The following ACP3 variants were observed in gnomAD, a reference collection of about 807,000 sequenced individuals.
The protein encoded by ACP3 is acid phosphatase 3, also known as prostatic acid phosphatase.
A neutral mutation model predicts 45.6 loss-of-function variants in ACP3; 38 were observed. The ratio of observed to expected loss-of-function variants is 0.83; its 90% CI spans 0.64 to 1.09. The LOEUF is 1.09. Among genes scored for constraint, ACP3 ranks in the 50% least tolerant of loss-of-function variants. ACP3 has a pLI of 0.00. For missense variants in ACP3, 466 were observed against 463.2 expected (o/e 1.01, Z -0.05); for synonymous variants, 162 against 164.7 (o/e 0.98, Z 0.13).
Position 132,358,586 on chromosome 3 carries a change from C to A in ACP3, c.*1708C>A. The A allele has an allele frequency of 9.0e-7, 1 of 1,112,196 alleles. No individual in the cohort carries two copies. The highest frequency in any genetic ancestry group is 7.7e-5 in the East Asian group (1 of 13,068). The allele number at this position is 1,112,196 out of a possible 1,614,324, so 68.9% of individuals were successfully genotyped here. A position where few individuals can be genotyped will look rare whatever the true frequency, so the allele number is the denominator to read the frequency against. On this transcript the variant is annotated 3_prime_UTR_variant, in exon 10 of 10. Coordinates refer to ENST00000336375, the MANE Select transcript of ACP3 (RefSeq NM_001099.5). Reference sequence around the variant, plus strand: ...CCAGAATCTAGAGCAAAGCCATCCCCGCTCCTGGTTGGTCACAGAATGACT... The same window carrying A: ...CCAGAATCTAGAGCAAAGCCATCCCAGCTCCTGGTTGGTCACAGAATGACT...
chr3:132,337,132 G>A (rs1937505482), intron 4 of ACP3, among the ~76,000 whole-genome samples: 1 of 151,964 alleles, frequency 6.6e-6, no homozygotes, highest in East Asian at 1.9e-4. Flanking sequence ...AAATGAAAGT[G>A]ATTGGGAAGG....
intron 10 of ACP3, among the ~76,000 whole-genome samples, chr3:132,366,299 CAA>C (rs757548940): frequency 9.8e-5 from 8 of 81,842 alleles, no homozygotes; most frequent in Non-Finnish European, 8.3e-5. Flanking sequence ...AACTCTGTCT[CAA>C]AAAAAAAAAA....
At chr3:132,338,969 A>G (rs1937522359) in intron 5 of ACP3, among the ~76,000 whole-genome samples, 1 of 152,122 alleles carries the variant, frequency 6.6e-6, no homozygotes, top group Non-Finnish European at 1.5e-5. Flanking sequence ...AGATTATTTC[A>G]TCACCCAGGT....
chr3:132,360,520 A>G (rs1039113308), downstream of ACP3, among the ~76,000 whole-genome samples: 4 of 152,198 alleles, frequency 2.6e-5, no homozygotes, highest in Non-Finnish European at 5.9e-5. Flanking sequence ...GGCTCACTTA[A>G]CCAGATTCCA....
chr3:132,346,573 C>T (rs1261962848), intron 7 of ACP3, among the ~76,000 whole-genome samples: 2 of 152,116 alleles, frequency 1.3e-5, no homozygotes, highest in African/African-American at 2.4e-5. Flanking sequence ...AATTACCAGG[C>T]GGGATACAGA....
At chr3:132,350,527 G>A (rs983294586) in intron 8 of ACP3, among the ~76,000 whole-genome samples, 4 of 152,176 alleles carry the variant, frequency 2.6e-5, no homozygotes, top group Non-Finnish European at 5.9e-5. Flanking sequence ...AATTAATTAT[G>A]ATTAAGTAGA....
intron 8 of ACP3, among the ~76,000 whole-genome samples, chr3:132,351,456 T>C (rs1301636390): frequency 6.6e-6 from 1 of 151,972 alleles, no homozygotes; most frequent in Non-Finnish European, 1.5e-5. Context: ...TGACAAAAGG[T>C]TTCTCAGCTG....
At chr3:132,354,664 AG>A in intron 9 of ACP3, among the ~76,000 whole-genome samples, 1 of 152,332 alleles carries the variant, frequency 6.6e-6, no homozygotes, top group East Asian at 1.9e-4. Flanking sequence ...ACAGAAAGAG[AG>A]AGTATTTTAG....
chr3:132,342,627 G>A lies in ACP3; in HGVS notation c.631G>A (p.Asp211Asn), dbSNP rs777524768. Residue 211 changes from aspartate to asparagine, a missense_variant, in exon 6 of 10, where the codon GAC becomes AAC. By Grantham distance (23) the Asp-to-Asn change is conservative. Transcript: ENST00000336375. ...TTTTGGAATTTGGAGTAAAGTCTAC[G>A]ACCCTTTATATTGTGAGGTAAAAGA... is the stretch of plus-strand genomic sequence containing the variant. ...DLFGIWSKVY[D>N]PLYCESVHNF... 95 of 1,607,036 alleles carry A rather than the reference G, an allele frequency of 5.9e-5. No individual in the cohort carries two copies. The highest frequency in any genetic ancestry group is 7.5e-5 in the Non-Finnish European group (88 of 1,177,342).
At chr3:132,333,312 A>G (rs1476041535) in intron 4 of ACP3, 2 of 152,748 alleles carry the variant, frequency 1.3e-5, no homozygotes, top group East Asian at 1.9e-4. Context: ...TAAAGTAGCA[A>G]TAGATAAATC....
intron 6 of ACP3, 40 bp from the exon 7 acceptor site, chr3:132,344,887 T>C (rs912307708): frequency 1.9e-6 from 3 of 1,607,454 alleles, no homozygotes; most frequent in Admixed American, 3.3e-5. Context: ...GACAGTCATA[T>C]AAATACACAT....
intron 5 of ACP3, among the ~76,000 whole-genome samples, chr3:132,338,321 T>A (rs1452151875): frequency 6.6e-6 from 1 of 151,836 alleles, no homozygotes; most frequent in Non-Finnish European, 1.5e-5. Flanking sequence ...TGGAAATATT[T>A]CTATATCTGT....
intron 5 of ACP3, among the ~76,000 whole-genome samples, chr3:132,341,728 T>C: frequency 6.6e-6 from 1 of 152,254 alleles, no homozygotes; most frequent in East Asian, 1.9e-4. Context: ...GACAGTCATC[T>C]GGCCCTGGAG....
chr3:132,317,502 C>T lies in ACP3; in HGVS notation c.46C>T (p.Leu16Phe), dbSNP rs892761779. 1.2e-6 allele frequency: 2 copies of T among 1,613,594 alleles called. No homozygotes were observed. The highest frequency in any genetic ancestry group is 2.7e-5 in the African/African-American group (2 of 74,934). ...CCTGGCCAGGGCAGCAAGCCTTAGCCTTGGCTTCTTGTTTCTGCTTTTTTT... is the reference window on the plus strand; with the variant it reads ...CCTGGCCAGGGCAGCAAGCCTTAGCTTTGGCTTCTTGTTTCTGCTTTTTTT... Reference protein sequence around the residue: ...LLLARAASLSLGFLFLLFFWL... With the variant: ...LLLARAASLSFGFLFLLFFWL... The change falls in exon 1 of 10, where the codon CTT (leucine) becomes TTT (phenylalanine). Residue 16 changes from leucine to phenylalanine, a missense_variant. Physicochemically the swap from Leu to Phe is conservative, Grantham distance 22 (BLOSUM62 0). Coordinates refer to ENST00000336375, the MANE Select transcript of ACP3 (RefSeq NM_001099.5).
chr3:132,342,597 G>C lies in ACP3; in HGVS notation c.601G>C (p.Asp201His). ...AAAACTTTCAGGATTACATGGCCAGGACCTTTTTGGAATTTGGAGTAAAGT... is the reference window on the plus strand; with the variant it reads ...AAAACTTTCAGGATTACATGGCCAGCACCTTTTTGGAATTTGGAGTAAAGT... The part of the protein sequence containing the change: ...LGKLSGLHGQ[D>H]LFGIWSKVYD... The change falls in exon 6 of 10, where the codon GAC (aspartate) becomes CAC (histidine). Residue 201 changes from aspartate (D) to histidine (H), a missense_variant. Transcript: ENST00000336375. 1 of 1,612,706 alleles carries C rather than the reference G, an allele frequency of 6.2e-7. No individual in the cohort carries two copies. The highest frequency in any genetic ancestry group is 8.5e-7 in the Non-Finnish European group (1 of 1,179,562).
At chr3:132,330,029 G>A (rs370915601) in intron 2 of ACP3, among the ~76,000 whole-genome samples, 33 of 147,664 alleles carry the variant, frequency 2.2e-4, no homozygotes, top group Admixed American at 1.0e-3. Context: ...AGCAATTCTC[G>A]TGCCTCAGCC....
chr3:132,355,697 T>C (rs943153997), intron 9 of ACP3, among the ~76,000 whole-genome samples: 3 of 152,214 alleles, frequency 2.0e-5, no homozygotes, highest in Admixed American at 6.5e-5. Flanking sequence ...TTTGTATTTT[T>C]AGTAGAGACG....
intron 1 of ACP3, among the ~76,000 whole-genome samples, chr3:132,322,549 T>C (rs1937226173): frequency 6.6e-6 from 1 of 152,230 alleles, no homozygotes; most frequent in Non-Finnish European, 1.5e-5. Context: ...ATAAGAAGAA[T>C]TTAATGTCAG....
rs113543420 is a variant in ACP3, at chr3:132,337,063, G to GGTGTGT, written c.457-362_457-357dup. ...CTTTCTCCATACATACATGCGTTGG[G>GGTGTGT]GTGTGTGTGTGTGTGTGTGTGTGTG... On this transcript the variant is annotated intron_variant, in intron 4 of 9. Transcript: ENST00000336375. Among the ~76,000 whole-genome samples the GGTGTGT allele has an allele frequency of 2.7e-3, 396 of 144,990 alleles. 2 individuals are homozygous for GGTGTGT. The highest frequency in any genetic ancestry group is 0.01 in the South Asian group (46 of 4,524).
Sources: allele counts gnomAD v4.1 joint callset (sites outside exome capture counted in the v4.1 genomes callset), GRCh38; gene constraint gnomAD v4.1.1; transcripts MANE v1.5; gene names NCBI Gene and HGNC (gene_info 2026-07-23, HGNC 2026-07-21).